Variants in PLXNA2 observed in about 807,000 individuals in gnomAD.
PLXNA2 encodes plexin-A2.
Under a neutral mutation model 193.5 loss-of-function variants are expected in PLXNA2, and 91 were observed. The observed-to-expected ratio is 0.47, with a 90% CI of 0.40 to 0.56. The LOEUF is 0.56. PLXNA2 is among the 20% of genes least tolerant of loss of function. The pLI is 0.00. For synonymous variants in PLXNA2, 997 were observed against 1,027.3 expected (o/e 0.97, Z 0.56); for missense variants, 1,995 against 2,503.2 (o/e 0.80, Z 4.33).
intron 9 of PLXNA2, among the ~76,000 whole-genome samples, chr1:208,089,998 G>C (rs1571904101): frequency 6.6e-6 from 1 of 152,198 alleles, no homozygotes; most frequent in African/African-American, 2.4e-5. Flanking sequence ...GGACAGAAAA[G>C]AGGGGGGCCT....
intron 3 of PLXNA2, among the ~76,000 whole-genome samples, chr1:208,163,579 T>C (rs1487435695): frequency 6.6e-6 from 1 of 152,182 alleles, no homozygotes; most frequent in Non-Finnish European, 1.5e-5. Flanking sequence ...CTGTGCATAT[T>C]AGGGATGAGA....
At chr1:208,087,543 G>A (rs1218446328) in intron 9 of PLXNA2, among the ~76,000 whole-genome samples, 1 of 152,142 alleles carries the variant, frequency 6.6e-6, no homozygotes, top group African/African-American at 2.4e-5. Flanking sequence ...AGTAGAAAAA[G>A]AATGTCTTAT....
Position 208,038,713 on chromosome 1 carries a change from G to T in PLXNA2, c.4660+112C>A. 2 of 1,158,834 alleles carry T rather than the reference G, an allele frequency of 1.7e-6. No individual in the cohort carries two copies. The highest frequency in any genetic ancestry group is 2.5e-6 in the Non-Finnish European group (2 of 791,734). 71.8% of individuals were successfully genotyped at this position (1,158,834 alleles called of 1,614,324 possible). On this transcript the variant is annotated intron_variant, in intron 25 of 31. Coordinates refer to ENST00000367033, the MANE Select transcript of PLXNA2 (RefSeq NM_025179.4). This position sits in a 1 kb window ranked among gnomAD's most constrained non-coding sequence, Gnocchi z 4.1. ...CTCAAAGCGGGAAGCATTTCACACGGGCCTCAGCTGGCCAGGACACAGTCA... is the reference window on the plus strand; with the variant it reads ...CTCAAAGCGGGAAGCATTTCACACGTGCCTCAGCTGGCCAGGACACAGTCA...
chr1:208,045,022 A>T, intron 19 of PLXNA2, 45 bp downstream of exon 19: 1 of 1,611,764 alleles, frequency 6.2e-7, no homozygotes, highest in South Asian at 1.1e-5. Flanking sequence ...TCACACATGC[A>T]CCACGAGGCG....
chr1:208,088,589 C>T (rs539986034), intron 9 of PLXNA2, among the ~76,000 whole-genome samples: 7 of 152,240 alleles, frequency 4.6e-5, no homozygotes, highest in African/African-American at 1.7e-4. Context: ...ACAGCCTGAT[C>T]TGACTCAGGG....
At chr1:208,200,577 C>CTTTTTTTTTTT (rs36026400) in intron 3 of PLXNA2, among the ~76,000 whole-genome samples, 15 of 113,996 alleles carry the variant, frequency 1.3e-4, no homozygotes, top group Non-Finnish European at 1.9e-4. Context: ...CCCAATCCTT[C>CTTTTTTTTTTT]TTTTTTTTTT....
At chr1:208,118,860 G>A (rs186439537) in intron 4 of PLXNA2, among the ~76,000 whole-genome samples, 27 of 152,154 alleles carry the variant, frequency 1.8e-4, no homozygotes, top group East Asian at 3.9e-4. Context: ...GAAAAAAAGC[G>A]GAATTTTAAA....
intron 4 of PLXNA2, among the ~76,000 whole-genome samples, chr1:208,131,283 A>G (rs1254901010): frequency 1.3e-5 from 2 of 152,068 alleles, no homozygotes; most frequent in African/African-American, 2.4e-5. Context: ...TCTTCACACT[A>G]CAGAAACCGT....
Position 208,179,488 on chromosome 1 carries a change from T to C in PLXNA2, c.1371+30792A>G, listed in dbSNP as rs559609522. On this transcript the variant is annotated intron_variant, in intron 3 of 31. Coordinates refer to ENST00000367033, the MANE Select transcript of PLXNA2 (RefSeq NM_025179.4). ...AGGAACCTCCTCCCTCCTGGCATAA[T>C]GGTCTGCCAAGAGGCAGGCAGCACT... 2.6e-5 allele frequency among the ~76,000 whole-genome samples: 4 copies of C among 152,270 alleles called. No homozygotes were observed. The South Asian group carries it at 6.2e-4, about 24-fold the overall frequency.
At chr1:208,060,638 T>G in intron 13 of PLXNA2, 48 bp downstream of exon 13, 1 of 1,553,374 alleles carries the variant, frequency 6.4e-7, no homozygotes, top group Non-Finnish European at 8.8e-7. Context: ...GTCTCCAGTC[T>G]CCACTCTGAA....
intron 1 of PLXNA2, among the ~76,000 whole-genome samples, chr1:208,220,645 T>C (rs998734291): frequency 6.6e-6 from 1 of 151,308 alleles, no homozygotes; most frequent in African/African-American, 2.4e-5. Context: ...GGTTTCACCA[T>C]GTTGGTCACA....
At position 208,142,481 on chromosome 1, in the gene PLXNA2, G is replaced by A. The variant is rs1668486490; in HGVS notation, c.1372-18C>T. ...GCCCGAATCTGTATGAGAAACAAGG[G>A]TGTCCTCAGCATCTGCCCTCAGTAT... On this transcript the variant is annotated intron_variant, in intron 3 of 31. Coordinates refer to ENST00000367033, the MANE Select transcript of PLXNA2 (RefSeq NM_025179.4). 2 of 1,591,272 alleles carry A rather than the reference G, an allele frequency of 1.3e-6. No individual in the cohort carries two copies. Among genetic ancestry groups the A allele is most frequent in the Non-Finnish European group, 1.7e-6 (2 of 1,170,094 alleles).
At chr1:208,154,519 C>T (rs1385160839) in intron 3 of PLXNA2, among the ~76,000 whole-genome samples, 1 of 152,160 alleles carries the variant, frequency 6.6e-6, no homozygotes, top group Non-Finnish European at 1.5e-5. Flanking sequence ...AGAGGATGTG[C>T]ATGGATGACC....
intron 4 of PLXNA2, among the ~76,000 whole-genome samples, chr1:208,136,875 T>A (rs965559564): frequency 6.6e-6 from 1 of 152,184 alleles, no homozygotes; most frequent in Non-Finnish European, 1.5e-5. Flanking sequence ...CTAGTAATAA[T>A]AATTACCACC....
At chr1:208,036,551 C>T (rs1490281666) in intron 26 of PLXNA2, among the ~76,000 whole-genome samples, 3 of 152,106 alleles carry the variant, frequency 2.0e-5, no homozygotes, top group East Asian at 3.8e-4. Context: ...AGTTAAAACA[C>T]GGAAAGGCTG....
intron 17 of PLXNA2, among the ~76,000 whole-genome samples, chr1:208,050,743 C>T (rs919715461): frequency 6.6e-6 from 1 of 152,076 alleles, no homozygotes; most frequent in South Asian, 2.1e-4. Flanking sequence ...GCGGGAGGAT[C>T]TCTTGAGCCC....
At chr1:208,161,695 T>C (rs1781037) in intron 3 of PLXNA2, among the ~76,000 whole-genome samples, 117,195 of 151,542 alleles carry the variant, frequency 0.77, 46,123 homozygotes, top group Middle Eastern at 0.89. Context: ...TTCCTCCTCC[T>C]TAATTTCAGG....
intron 3 of PLXNA2, among the ~76,000 whole-genome samples, chr1:208,192,017 C>T (rs1038615124): frequency 2.6e-5 from 4 of 152,172 alleles, no homozygotes; most frequent in African/African-American, 9.7e-5. Context: ...GTAAGACCCA[C>T]CCAGCTGATG....
intron 3 of PLXNA2, among the ~76,000 whole-genome samples, chr1:208,156,892 T>C (rs779774700): frequency 1.2e-4 from 19 of 152,222 alleles, no homozygotes; most frequent in Admixed American, 2.6e-4. Context: ...CAAGCTTCCT[T>C]TTCCCTCACA....
Sources: gnomAD v4.1 joint callset for allele counts (sites outside exome capture counted in the v4.1 genomes callset) on GRCh38, gnomAD v4.1.1 for gene constraint, Gnocchi (gnomAD v3.1) non-coding constraint, MANE v1.5 for transcripts, NCBI Gene and HGNC (gene_info 2026-07-23, HGNC 2026-07-21) for gene names.